The following CNTN4 variants were observed in gnomAD, a reference collection of about 807,000 sequenced individuals.
The protein encoded by CNTN4 is contactin 4, also known as contactin-4.
A neutral mutation model predicts 122.5 loss-of-function variants in CNTN4; 77 were observed. The observed-to-expected ratio is 0.63, with a 90% confidence interval of 0.52 to 0.76. The LOEUF is 0.76. Among genes scored for constraint, CNTN4 ranks in the 30% least tolerant of loss-of-function variants. The pLI, the probability that CNTN4 is intolerant of heterozygous loss-of-function variation, is 0.00. For missense variants in CNTN4, 1,256 were observed against 1,259.1 expected (o/e 1.00, Z 0.04); for synonymous variants, 512 against 447.0 (o/e 1.15, Z -1.83).
chr3:2,619,594 C>A (rs867698509), intron 4 of CNTN4, among the ~76,000 whole-genome samples: 1 of 152,078 alleles, frequency 6.6e-6, no homozygotes, highest in Non-Finnish European at 1.5e-5. Context: ...ATCAGAAGAA[C>A]TATTTAGTTA....
At chr3:2,860,345 G>A (rs150701190) in intron 7 of CNTN4, among the ~76,000 whole-genome samples, 15 of 152,258 alleles carry the variant, frequency 9.9e-5, no homozygotes, top group African/African-American at 2.9e-4. Context: ...TAGGAGTGGC[G>A]ACTGGTGGTC....
chr3:2,430,068 C>T (rs2151189973), intron 3 of CNTN4, among the ~76,000 whole-genome samples: 1 of 152,162 alleles, frequency 6.6e-6, no homozygotes. Flanking sequence ...TGGGCTGCAC[C>T]TACTGTCCTG....
intron 2 of CNTN4, among the ~76,000 whole-genome samples, chr3:2,288,235 G>T (rs1559416789): frequency 6.6e-6 from 1 of 152,174 alleles, no homozygotes; most frequent in African/African-American, 2.4e-5. Context: ...TTACAGTTCT[G>T]CAGGTTGTAC....
chr3:2,811,726 G>A (rs1001041343), intron 6 of CNTN4, among the ~76,000 whole-genome samples: 3 of 151,982 alleles, frequency 2.0e-5, no homozygotes, highest in South Asian at 4.2e-4. Context: ...GTGCAGTGGC[G>A]CGATCTCGGC....
chr3:2,553,716 C>T (rs1483953822), intron 3 of CNTN4, among the ~76,000 whole-genome samples: 2 of 152,116 alleles, frequency 1.3e-5, no homozygotes, highest in Non-Finnish European at 2.9e-5. Context: ...TTCAAACTAA[C>T]TTTGCTGAAT....
intron 3 of CNTN4, among the ~76,000 whole-genome samples, chr3:2,374,368 A>C (rs2045743508): frequency 6.6e-6 from 1 of 152,180 alleles, no homozygotes; most frequent in African/African-American, 2.4e-5. Context: ...TTTAACTCTA[A>C]TACCTAAAAA....
intron 13 of CNTN4, among the ~76,000 whole-genome samples, chr3:2,942,825 G>A (rs939069871): frequency 6.6e-6 from 1 of 152,096 alleles, no homozygotes; most frequent in African/African-American, 2.4e-5. Context: ...CAGGAAGCGT[G>A]GTTCCCAAAT....
intron 7 of CNTN4, among the ~76,000 whole-genome samples, chr3:2,823,159 G>A (rs35619287): frequency 6.6e-6 from 1 of 151,922 alleles, no homozygotes; most frequent in African/African-American, 2.4e-5. Flanking sequence ...ACCCTAAAGC[G>A]AGAAGAATCA....
At chr3:2,347,532 C>G (rs1426576987) in intron 3 of CNTN4, among the ~76,000 whole-genome samples, 1 of 150,938 alleles carries the variant, frequency 6.6e-6, no homozygotes, top group Non-Finnish European at 1.5e-5. Context: ...GCCTCAGCCT[C>G]CCTAGTAACT....
intron 3 of CNTN4, among the ~76,000 whole-genome samples, chr3:2,505,728 T>C (rs896700176): frequency 1.3e-5 from 2 of 152,232 alleles, no homozygotes; most frequent in African/African-American, 4.8e-5. Flanking sequence ...GCAATGTTAC[T>C]ACATCATATA....
intron 3 of CNTN4, among the ~76,000 whole-genome samples, chr3:2,477,602 C>G (rs1397285082): frequency 6.6e-6 from 1 of 152,154 alleles, no homozygotes; most frequent in Admixed American, 6.6e-5. Flanking sequence ...CTCTTAAGCT[C>G]TATCTTCTAC....
At chr3:3,013,220 T>C (rs1439683371) in intron 14 of CNTN4, among the ~76,000 whole-genome samples, 2 of 152,128 alleles carry the variant, frequency 1.3e-5, no homozygotes, top group Non-Finnish European at 2.9e-5. Flanking sequence ...AAATTATAGA[T>C]AAGAAAACTA....
intron 3 of CNTN4, among the ~76,000 whole-genome samples, chr3:2,360,022 G>GA (rs2045057068): frequency 6.6e-6 from 1 of 152,154 alleles, no homozygotes; most frequent in African/African-American, 2.4e-5. Flanking sequence ...GACTTAGAAG[G>GA]AAAAAACTAC....
chr3:2,940,220 G>T (rs2094601314), intron 13 of CNTN4, among the ~76,000 whole-genome samples: 1 of 152,220 alleles, frequency 6.6e-6, no homozygotes, highest in African/African-American at 2.4e-5. Context: ...AACAGAAAAA[G>T]TTGTCAGAAA....
chr3:3,033,001 C>A (rs1455586847), intron 16 of CNTN4, among the ~76,000 whole-genome samples: 1 of 152,110 alleles, frequency 6.6e-6, no homozygotes, highest in African/African-American at 2.4e-5. Context: ...AAACTCATAC[C>A]AGCCCTTCAT....
rs1473538284 is a variant in CNTN4 at position 2,978,422 on chromosome 3, G to A, written c.1359-9923G>A. 3.9e-5 allele frequency among the ~76,000 whole-genome samples: 6 copies of A among 152,302 alleles called. No homozygotes were observed. The East Asian group carries it at 9.7e-4, about 25-fold the overall frequency. On this transcript the variant is annotated intron_variant, in intron 13 of 24. Coordinates refer to ENST00000418658, the MANE Select transcript of CNTN4 (RefSeq NM_175607.3). ...AACATTAAAGAGAGGTTCAAGCCAG[G>A]CATAGACGGGAGCTAGAAAACCCAC...
chr3:2,509,115 T>A (rs2076814726), intron 3 of CNTN4, among the ~76,000 whole-genome samples: 1 of 152,224 alleles, frequency 6.6e-6, no homozygotes, highest in Admixed American at 6.5e-5. Flanking sequence ...TTAAACTATT[T>A]CGGCTGTACC....
chr3:2,153,407 A>G (rs1453939880), intron 2 of CNTN4, among the ~76,000 whole-genome samples: 1 of 152,258 alleles, frequency 6.6e-6, no homozygotes, highest in African/African-American at 2.4e-5. Flanking sequence ...GTCAAAGGCA[A>G]CTGCCAAGAA....
intron 7 of CNTN4, among the ~76,000 whole-genome samples, chr3:2,846,126 G>A (rs1295192950): frequency 6.6e-6 from 1 of 152,178 alleles, no homozygotes; most frequent in East Asian, 1.9e-4. Context: ...GAGAAATCCT[G>A]TAGTAAAGAA....
Sources: gnomAD v4.1 joint callset for allele counts (sites outside exome capture counted in the v4.1 genomes callset) on GRCh38, gnomAD v4.1.1 for gene constraint, MANE v1.5 for transcripts, NCBI Gene and HGNC (gene_info 2026-07-23, HGNC 2026-07-21) for gene names.